AGAP3: variants seen among roughly 807,000 people sequenced by gnomAD.
AGAP3 encodes the protein ArfGAP with GTPase domain, ankyrin repeat and PH domain 3.
A neutral mutation model predicts 96.9 loss-of-function variants in AGAP3; 24 were observed. The observed-to-expected ratio is 0.25, with a 90% CI of 0.18 to 0.35. The LOEUF (loss-of-function observed/expected upper bound fraction) is 0.35. AGAP3 is among the 10% of genes least tolerant of loss of function. AGAP3 has a pLI of 1.00. For missense variants in AGAP3, 876 were observed against 1,254.2 expected, an observed-to-expected ratio of 0.70 and a Z score of 4.55; for synonymous variants, 563 against 536.1, an observed-to-expected ratio of 1.05 and a Z score of -0.69.
intron 1 of AGAP3, among the ~76,000 whole-genome samples, chr7:151,091,137 G>A (rs965810069): frequency 1.3e-5 from 2 of 152,196 alleles, no homozygotes; most frequent in African/African-American, 2.4e-5. Flanking sequence ...TACTGTTCCT[G>A]GGTGGGCACT....
chr7:151,117,594 C>T (rs751476489), intron 4 of AGAP3, 42 bp from the exon 5 acceptor site: 5 of 1,612,020 alleles, frequency 3.1e-6, no homozygotes, highest in East Asian at 4.5e-5. Context: ...GGGAGTTTGC[C>T]AGGTCCAGTT....
Position 151,140,370 on chromosome 7 carries a change from G to A in AGAP3, c.1804+254G>A, listed in dbSNP as rs1800772028. 1 of 327,026 alleles carries A rather than the reference G, an allele frequency of 3.1e-6. No individual in the cohort carries two copies. The highest frequency in any genetic ancestry group is 5.5e-6 in the Non-Finnish European group (1 of 183,468). 20.3% of individuals were successfully genotyped at this position (327,026 alleles called of 1,614,324 possible). A position where few individuals can be genotyped will look rare whatever the true frequency, so the allele number is the denominator to read the frequency against. ...TCATTTATTCTTAAGGTAAAAGACA[G>A]CAGACTGCTACATCAATAGCTCCTC... On this transcript the variant is annotated intron_variant, in intron 13 of 17. Transcript: ENST00000397238. This position sits in a 1 kb window ranked among gnomAD's most constrained non-coding sequence, Gnocchi z 5.4.
intron 1 of AGAP3, chr7:151,115,569 G>C: frequency 1.8e-6 from 2 of 1,141,942 alleles, no homozygotes; most frequent in Non-Finnish European, 2.1e-6. Flanking sequence ...CCGCCGGAGG[G>C]AGCCCGCGCC....
In AGAP3 at chr7:151,142,743, C is replaced by G; in HGVS notation, c.2273+109C>G. The G allele has an allele frequency of 8.2e-7, 1 of 1,214,384 alleles. No individual in the cohort carries two copies. Among genetic ancestry groups the G allele is most frequent in the Non-Finnish European group, 1.1e-6 (1 of 875,760 alleles). The allele number at this position is 1,214,384 out of a possible 1,614,324, so 75.2% of individuals were successfully genotyped here. The stretch of plus-strand genomic sequence containing the variant: ...ATGGTATTAGAAGGGTTAAAACTGT[C>G]TGTTGCTCTGCTTGGCAGTTGGCCC... On this transcript the variant is annotated intron_variant, in intron 16 of 17. Transcript: ENST00000397238. The surrounding 1 kb of genome is among the most constrained non-coding windows in gnomAD (Gnocchi z 7.5).
chr7:151,118,080 G>C lies in AGAP3; in HGVS notation c.707-130G>C. 1 of 1,268,158 alleles carries C rather than the reference G, an allele frequency of 7.9e-7. No homozygotes were observed. Among genetic ancestry groups the C allele is most frequent in the Non-Finnish European group, 1.1e-6 (1 of 921,566 alleles). 78.6% of individuals were successfully genotyped at this position (1,268,158 alleles called of 1,614,324 possible). A position where few individuals can be genotyped will look rare whatever the true frequency, so the allele number is the denominator to read the frequency against. On this transcript the variant is annotated intron_variant, in intron 5 of 17. Transcript: ENST00000397238. This position sits in a 1 kb window ranked among gnomAD's most constrained non-coding sequence, Gnocchi z 6.1. The stretch of plus-strand genomic sequence containing the variant: ...GGGTTGAAATGAGACCCAGGCACCC[G>C]CGTTCTTGGTGCTCTGTGTGTTCCA...
At chr7:151,100,481 C>T (rs1798793866) in intron 1 of AGAP3, among the ~76,000 whole-genome samples, 1 of 152,228 alleles carries the variant, frequency 6.6e-6, no homozygotes, top group Non-Finnish European at 1.5e-5. Context: ...GTCGGGATTG[C>T]TCAGCAAGCT....
intron 1 of AGAP3, among the ~76,000 whole-genome samples, chr7:151,111,662 C>T (rs2373924): frequency 0.93 from 141,818 of 152,124 alleles, 66,243 homozygotes; most frequent in East Asian, 1. Context: ...GAGTCGGCTT[C>T]TCCTCCTGAC....
rs1285094217 is a variant in AGAP3 at position 151,140,467 on chromosome 7, T to G, written c.1804+351T>G. On this transcript the variant is annotated intron_variant, in intron 13 of 17. Coordinates refer to ENST00000397238, the MANE Select transcript of AGAP3 (RefSeq NM_031946.7). This position sits in a 1 kb window ranked among gnomAD's most constrained non-coding sequence, Gnocchi z 5.4. ...CGAGTTTAATAAAGTGCTGGGTACT[T>G]ACTAGGTGCGTAATACATGTGTACA... 6.0e-6 allele frequency: 1 copy of G among 166,836 alleles called. No homozygotes were observed. Among genetic ancestry groups the G allele is most frequent in the Non-Finnish European group, 1.3e-5 (1 of 78,140 alleles). The allele number at this position is 166,836 out of a possible 1,614,324, so 10.3% of individuals were successfully genotyped here.
intron 11 of AGAP3, chr7:151,136,347 GC>G (rs1366374473): frequency 1.3e-5 from 2 of 152,260 alleles, no homozygotes; most frequent in Admixed American, 1.3e-4. Context: ...GGAGGAGACA[GC>G]CCCGTGCCCT....
At chr7:151,107,870 C>T (rs113960343) in intron 1 of AGAP3, among the ~76,000 whole-genome samples, 7 of 152,198 alleles carry the variant, frequency 4.6e-5, no homozygotes, top group Non-Finnish European at 1.0e-4. Flanking sequence ...TAGAGCCGTA[C>T]GATGCTTCAT....
In AGAP3 at chr7:151,117,679, A is replaced by T; in HGVS notation, c.608A>T (p.Glu203Val). 1 of 1,614,180 alleles carries T rather than the reference A, an allele frequency of 6.2e-7. No homozygotes were observed. Among genetic ancestry groups the T allele is most frequent in the Non-Finnish European group, 8.5e-7 (1 of 1,180,010 alleles). ...VDAVVFVFSL[E>V]DEISFQTVYN... ...GCAGTGGTGTTTGTGTTCAGCCTGG[A>T]GGATGAAATCAGTTTCCAGACGGTG... The change falls in exon 5 of 18, where the codon GAG (glutamate) becomes GTG (valine). Residue 203 changes from glutamate (E) to valine (V), a missense_variant. Transcript: ENST00000397238.
intron 1 of AGAP3, among the ~76,000 whole-genome samples, chr7:151,107,786 C>G (rs1005735230): frequency 4.0e-4 from 61 of 152,296 alleles, no homozygotes; most frequent in Middle Eastern, 3.4e-3. Context: ...CCTGCCTGTT[C>G]AGAGAGAACC....
At chr7:151,087,167 G>C (rs1798190579) in intron 1 of AGAP3, 95 bp downstream of exon 1, 5 of 1,337,572 alleles carry the variant, frequency 3.7e-6, no homozygotes, top group Non-Finnish European at 5.2e-6. Flanking sequence ...TGCTCTCCCT[G>C]TCGGGGGTCC....
chr7:151,107,553 G>A (rs1405185313), intron 1 of AGAP3, among the ~76,000 whole-genome samples: 1 of 151,944 alleles, frequency 6.6e-6, no homozygotes, highest in Non-Finnish European at 1.5e-5. Context: ...GAGCCCAGGA[G>A]GTCAAGGCTG....
rs772778482 is a variant in AGAP3 at position 151,118,310 on chromosome 7, C to T, written c.807C>T (p.Thr269=). 6.2e-7 allele frequency: 1 copy of T among 1,613,016 alleles called. No homozygotes were observed. The highest frequency in any genetic ancestry group is 2.2e-5 in the East Asian group (1 of 44,810). ...KRCTYYETCA[T]YGLNVERVFQ... ...GCACCTACTATGAGACGTGCGCGAC[C>T]TACGGGCTCAATGTGGAGCGTGTCT... is the stretch of plus-strand genomic sequence containing the variant. The change falls in exon 6 of 18, where the codon ACC becomes ACT. Residue 269 remains threonine, a synonymous_variant. Coordinates refer to ENST00000397238, the MANE Select transcript of AGAP3 (RefSeq NM_031946.7). The surrounding 1 kb of genome is among the most constrained non-coding windows in gnomAD (Gnocchi z 6.1).
chr7:151,111,817 G>A (rs1799299608), intron 1 of AGAP3, among the ~76,000 whole-genome samples: 1 of 152,148 alleles, frequency 6.6e-6, no homozygotes, highest in South Asian at 2.1e-4. Context: ...CTGCCATGGA[G>A]CCTCTCAGCC....
Position 151,115,489 on chromosome 7 carries a change from C to T in AGAP3, c.332-1304C>T, listed in dbSNP as rs866769103. 97 of 1,017,430 alleles carry T rather than the reference C, an allele frequency of 9.5e-5. 1 individual carries two copies. The South Asian group carries it at 3.8e-3, about 40-fold the overall frequency. 63.0% of individuals were successfully genotyped at this position (1,017,430 alleles called of 1,614,324 possible). On this transcript the variant is annotated intron_variant, in intron 1 of 17. Transcript: ENST00000397238. ...CGCGACCTGCTGGGCTCCGACGCCC[C>T]GCGCGCAGCGCCGGAGCCCGGCCGC...
chr7:151,123,323 T>C (rs977405407), intron 8 of AGAP3: 2 of 1,033,130 alleles, frequency 1.9e-6, no homozygotes, highest in Non-Finnish European at 2.3e-6. Flanking sequence ...CTCTCTCCTC[T>C]CTCTGTCCAT....
rs556648460 is a variant in AGAP3 at position 151,141,641 on chromosome 7, T to G, written c.1805-257T>G. 1.2e-5 allele frequency: 6 copies of G among 505,796 alleles called. No homozygotes were observed. The South Asian group carries it at 1.4e-4, about 12-fold the overall frequency. The allele number at this position is 505,796 out of a possible 1,614,324, so 31.3% of individuals were successfully genotyped here. On this transcript the variant is annotated intron_variant, in intron 13 of 17. Coordinates refer to ENST00000397238, the MANE Select transcript of AGAP3 (RefSeq NM_031946.7). The surrounding 1 kb of genome is among the most constrained non-coding windows in gnomAD (Gnocchi z 4.2). The stretch of plus-strand genomic sequence containing the variant: ...CCCGGCAGTGCCAGGGGTGCCAAGA[T>G]CTTGCATCCCCCATCTGTTTTCACT...
Sources: gnomAD v4.1 joint callset for allele counts (sites outside exome capture counted in the v4.1 genomes callset) on GRCh38, gnomAD v4.1.1 for gene constraint, Gnocchi (gnomAD v3.1) non-coding constraint, MANE v1.5 for transcripts, NCBI Gene and HGNC (gene_info 2026-07-23, HGNC 2026-07-21) for gene names.